Variants in GRIP1 observed in about 807,000 individuals in gnomAD.
The protein encoded by GRIP1 is glutamate receptor-interacting protein 1.
GRIP1 carries 45 observed loss-of-function variants against 129.9 expected under a neutral mutation model. That is an observed-to-expected ratio of 0.35 (90% CI 0.27 to 0.44). GRIP1 has a LOEUF of 0.44. GRIP1 is among the 20% of genes least tolerant of loss of function. The pLI is 1.00. For synonymous variants in GRIP1, 530 were observed against 520.8 expected, an observed-to-expected ratio of 1.02 and a Z score of -0.24; for missense variants, 1,196 against 1,396.8, an observed-to-expected ratio of 0.86 and a Z score of 2.29.
chr12:67,042,727 A>G (rs567105961), intron 1 of GRIP1, among the ~76,000 whole-genome samples: 2 of 152,326 alleles, frequency 1.3e-5, no homozygotes, highest in African/African-American at 4.8e-5. Context: ...CAATTAGAAC[A>G]GTACCAGATT....
chr12:66,975,999 T>G (rs1316706215), intron 1 of GRIP1, among the ~76,000 whole-genome samples: 3 of 152,234 alleles, frequency 2.0e-5, no homozygotes, highest in Non-Finnish European at 4.4e-5. Context: ...ACTAAATATT[T>G]AATGTCATAC....
intron 1 of GRIP1, among the ~76,000 whole-genome samples, chr12:67,042,363 C>T (rs1233126814): frequency 1.3e-5 from 2 of 152,082 alleles, no homozygotes; most frequent in Non-Finnish European, 2.9e-5. Context: ...TAAAATGAGA[C>T]CCCTTTTTCT....
chr12:66,777,917 CCTCT>C (rs2038037563), intron 1 of GRIP1, among the ~76,000 whole-genome samples: 1 of 152,098 alleles, frequency 6.6e-6, no homozygotes, highest in Non-Finnish European at 1.5e-5. Flanking sequence ...TCCTTCCCTC[CCTCT>C]CTCAGTGTAA....
chr12:66,933,117 T>C (rs2041427307), intron 1 of GRIP1, among the ~76,000 whole-genome samples: 3 of 152,378 alleles, frequency 2.0e-5, no homozygotes, highest in Middle Eastern at 6.8e-3. Flanking sequence ...ACTTACTGGC[T>C]GAGCATAAAT....
chr12:66,544,701 G>A (rs992868243), intron 2 of GRIP1, among the ~76,000 whole-genome samples: 37 of 152,184 alleles, frequency 2.4e-4, no homozygotes, highest in African/African-American at 8.9e-4. Context: ...TCTGGTCCCA[G>A]AAGAATTGAC....
At chr12:67,025,724 G>C (rs1032335176) in intron 1 of GRIP1, among the ~76,000 whole-genome samples, 1 of 152,134 alleles carries the variant, frequency 6.6e-6, no homozygotes, top group African/African-American at 2.4e-5. Context: ...TCATGACGGC[G>C]AGGGTCCTCA....
chr12:66,669,998 G>T (rs1255036959), intron 1 of GRIP1, among the ~76,000 whole-genome samples: 1 of 152,048 alleles, frequency 6.6e-6, no homozygotes, highest in Non-Finnish European at 1.5e-5. Context: ...TTAACAATTG[G>T]CTCCATAGAA....
rs747802204 is a variant in GRIP1, at chr12:66,529,821, C to G, written c.502+10G>C. On this transcript the variant is annotated intron_variant, in intron 5 of 24. Transcript: ENST00000359742. ...TTTTTTTAAAGTAGATTTTTCTAAC[C>G]AACACCTACCTCGAATTACAAAACC... 4 of 1,481,710 alleles carry G rather than the reference C, an allele frequency of 2.7e-6. No homozygotes were observed. Among genetic ancestry groups the G allele is most frequent in the Non-Finnish European group, 3.8e-6 (4 of 1,059,312 alleles). 91.8% of individuals were successfully genotyped at this position (1,481,710 alleles called of 1,614,324 possible). A position where few individuals can be genotyped will look rare whatever the true frequency, so the allele number is the denominator to read the frequency against.
At chr12:66,843,785 C>T (rs973482348) in intron 1 of GRIP1, among the ~76,000 whole-genome samples, 28 of 145,456 alleles carry the variant, frequency 1.9e-4, no homozygotes, top group African/African-American at 4.9e-4. Context: ...TACCTTACAC[C>T]ATATATAAAA....
intron 1 of GRIP1, among the ~76,000 whole-genome samples, chr12:66,673,538 C>T (rs960283400): frequency 2.6e-5 from 4 of 152,062 alleles, no homozygotes; most frequent in Admixed American, 2.0e-4. Context: ...CCTCCTGGAA[C>T]GAGGTAAAGT....
rs150958775 is a variant in GRIP1, at chr12:66,515,651, G to A, written c.692C>T (p.Ala231Val). The change falls in exon 7 of 25, where the codon GCA becomes GTA. Residue 231 changes from alanine to valine, a missense_variant. Transcript: ENST00000359742. ...TGAGACATCATATTCTATCAGCAGT[G>A]CTGCTTCTTGTCCACATTGTTTAAG... Reference protein sequence around the residue: ...SILKQCGQEAALLIEYDVSVM... With the variant: ...SILKQCGQEAVLLIEYDVSVM... 5.1e-4 allele frequency: 818 copies of A among 1,613,458 alleles called. 19 individuals carry two copies. In the East Asian group the frequency reaches 0.017, roughly 33 times the overall value.
At chr12:66,665,816 G>A (rs1199655365) in intron 1 of GRIP1, among the ~76,000 whole-genome samples, 1 of 152,094 alleles carries the variant, frequency 6.6e-6, no homozygotes, top group Non-Finnish European at 1.5e-5. Flanking sequence ...CATCTGATAT[G>A]CATACGTTCT....
chr12:66,515,325 G>C (rs1187880329), intron 7 of GRIP1, among the ~76,000 whole-genome samples: 2 of 151,926 alleles, frequency 1.3e-5, no homozygotes, highest in African/African-American at 4.8e-5. Flanking sequence ...GATTTGGAGG[G>C]GAAAAAACAC....
intron 1 of GRIP1, among the ~76,000 whole-genome samples, chr12:66,884,220 G>A (rs1021927646): frequency 2.0e-5 from 3 of 152,216 alleles, no homozygotes; most frequent in African/African-American, 2.4e-5. Flanking sequence ...CAGTGAGACC[G>A]CTTAGCGCTT....
At chr12:66,883,734 T>A (rs1020268422) in intron 1 of GRIP1, among the ~76,000 whole-genome samples, 9 of 152,172 alleles carry the variant, frequency 5.9e-5, no homozygotes, top group African/African-American at 2.2e-4. Flanking sequence ...AGTGTCCCAT[T>A]TCACAAAGAC....
At chr12:66,795,921 C>A (rs1414254719) in intron 1 of GRIP1, among the ~76,000 whole-genome samples, 1 of 152,108 alleles carries the variant, frequency 6.6e-6, no homozygotes, top group East Asian at 1.9e-4. Flanking sequence ...GACTATAAAG[C>A]AATCATACAT....
intron 1 of GRIP1, among the ~76,000 whole-genome samples, chr12:66,625,235 T>A (rs770336901): frequency 6.6e-6 from 1 of 152,178 alleles, no homozygotes; most frequent in African/African-American, 2.4e-5. Context: ...TCTTAACCAA[T>A]GTAACTCGCA....
chr12:67,039,951 T>A (rs2043151403), intron 1 of GRIP1, among the ~76,000 whole-genome samples: 1 of 152,194 alleles, frequency 6.6e-6, no homozygotes, highest in Admixed American at 6.5e-5. Context: ...TTATTAAGCT[T>A]CTTTTTCCAC....
chr12:66,661,899 C>T (rs2033532390), intron 1 of GRIP1, among the ~76,000 whole-genome samples: 1 of 152,074 alleles, frequency 6.6e-6, no homozygotes, highest in Non-Finnish European at 1.5e-5. Flanking sequence ...TTCAAGATTT[C>T]ACTGTGTACC....
Sources: allele counts gnomAD v4.1 joint callset (sites outside exome capture counted in the v4.1 genomes callset), GRCh38; gene constraint gnomAD v4.1.1; transcripts MANE v1.5; gene names NCBI Gene and HGNC (gene_info 2026-07-23, HGNC 2026-07-21).